Variants in FHAD1 observed in about 807,000 individuals in gnomAD.
FHAD1 encodes forkhead associated phosphopeptide binding domain 1.
In FHAD1, 146 loss-of-function variants were observed where a neutral mutation model predicts 191.3. The observed-to-expected ratio is 0.76, with a 90% CI of 0.67 to 0.88. FHAD1 has a LOEUF of 0.88. Ranked by LOEUF, FHAD1 falls within the 40% of genes least tolerant of loss-of-function variation. The pLI is 0.00. For missense variants in FHAD1, 1,635 were observed against 1,785.8 expected (o/e 0.92, Z 1.52); for synonymous variants, 616 against 672.3 (o/e 0.92, Z 1.29).
intron 1 of FHAD1, among the ~76,000 whole-genome samples, chr1:15,241,284 T>C (rs1309986392): frequency 3.3e-5 from 5 of 152,076 alleles, no homozygotes; most frequent in African/African-American, 1.2e-4. Flanking sequence ...AAAAGACATC[T>C]CCCAAACATA....
rs532431043 is a variant in FHAD1 at position 15,360,741 on chromosome 1, G to A, written c.2962+38G>A. Reference sequence around the variant, plus strand: ...GGAGGCCAAGGAAATCTTAGTGTTCGGGGCAGGTTCTGATTGTCCGCTGGG... The same window carrying A: ...GGAGGCCAAGGAAATCTTAGTGTTCAGGGCAGGTTCTGATTGTCCGCTGGG... On this transcript the variant is annotated intron_variant, in intron 22 of 33. Transcript: ENST00000688493. The A allele has an allele frequency of 1.2e-4, 178 of 1,524,362 alleles. No homozygotes were observed. The Admixed American group carries it at 1.4e-3, about 12-fold the overall frequency. 94.4% of individuals were successfully genotyped at this position (1,524,362 alleles called of 1,614,324 possible).
intron 19 of FHAD1, 93 bp downstream of exon 19, chr1:15,349,242 C>T (rs2102424703): frequency 2.0e-6 from 2 of 983,182 alleles, no homozygotes; most frequent in Non-Finnish European, 3.1e-6. Flanking sequence ...ATATCAGAGC[C>T]ATGCCTCCCT....
intron 2 of FHAD1, among the ~76,000 whole-genome samples, chr1:15,267,954 T>A (rs1409805208): frequency 6.7e-6 from 1 of 148,230 alleles, no homozygotes; most frequent in African/African-American, 2.5e-5. Context: ...ATAAAAAATA[T>A]ATATATATTT....
rs529657113 is a variant in FHAD1, at chr1:15,388,793, C to T, written c.4269+662C>T. 7.9e-5 allele frequency among the ~76,000 whole-genome samples: 12 copies of T among 152,296 alleles called. No individual in the cohort carries two copies. In the East Asian group the frequency reaches 2.1e-3, roughly 27 times the overall value. On this transcript the variant is annotated intron_variant, in intron 32 of 33. Coordinates refer to ENST00000688493, the MANE Select transcript of FHAD1 (RefSeq NM_001391957.1). ...TCGTAAGTGCTCTTAGAACAAAGACCTTGCTGGACTTTCCCCCTAGAGGGG... is the reference window on the plus strand; with the variant it reads ...TCGTAAGTGCTCTTAGAACAAAGACTTTGCTGGACTTTCCCCCTAGAGGGG...
At chr1:15,393,072 C>CTT (rs35952768) in intron 33 of FHAD1, 2,609 of 123,898 alleles carry the variant, frequency 0.021, 119 homozygotes, top group African/African-American at 0.078. Flanking sequence ...AAATTCATTC[C>CTT]TTTTTTTTTT....
Position 15,365,817 on chromosome 1 carries a change from T to C in FHAD1, c.3048-10T>C. On this transcript the variant is annotated splice_polypyrimidine_tract_variant and intron_variant, in intron 23 of 33. Coordinates refer to ENST00000688493, the MANE Select transcript of FHAD1 (RefSeq NM_001391957.1). ...GTTGAACTGACTTCACCTGTTTTTG[T>C]GAATTTCAGAGATGACTTATTGGCT... 1 of 1,538,428 alleles carries C rather than the reference T, an allele frequency of 6.5e-7. No individual in the cohort carries two copies. Among genetic ancestry groups the C allele is most frequent in the Non-Finnish European group, 8.8e-7 (1 of 1,134,940 alleles).
chr1:15,245,319 T>G (rs1645879562), upstream of FHAD1, among the ~76,000 whole-genome samples: 1 of 152,216 alleles, frequency 6.6e-6, no homozygotes, highest in South Asian at 2.1e-4. Flanking sequence ...TTTGTTGTTC[T>G]TATTTTTATT....
intron 6 of FHAD1, 143 bp downstream of exon 6, chr1:15,301,584 T>C (rs1668793708): frequency 1.5e-6 from 1 of 679,206 alleles, no homozygotes; most frequent in African/African-American, 1.8e-5. Flanking sequence ...TCCACAAGAC[T>C]GGGAGATTCG....
chr1:15,246,434 A>G (rs1401514647), upstream of FHAD1, among the ~76,000 whole-genome samples: 1 of 116,398 alleles, frequency 8.6e-6, no homozygotes, highest in African/African-American at 2.8e-5. Context: ...AGTGAAAGGA[A>G]TCACTCTCCA....
At position 15,397,274 on chromosome 1, in the gene FHAD1, G is replaced by GT. The variant is rs767280713; in HGVS notation, c.4324-17dup. The GT allele has an allele frequency of 3.2e-6, 4 of 1,267,462 alleles. No homozygotes were observed. The East Asian group carries it at 1.0e-4, about 33-fold the overall frequency. The allele number at this position is 1,267,462 out of a possible 1,614,324, so 78.5% of individuals were successfully genotyped here. A position where few individuals can be genotyped will look rare whatever the true frequency, so the allele number is the denominator to read the frequency against. Reference sequence around the variant, plus strand: ...AGTCTTGCTGCAATGGAGTTTGTGTGTTTTTTCTCTTGCTTGTTAAAGGTT... The same window carrying GT: ...AGTCTTGCTGCAATGGAGTTTGTGTGTTTTTTTCTCTTGCTTGTTAAAGGTT... On this transcript the variant is annotated intron_variant, in intron 33 of 33. Coordinates refer to ENST00000688493, the MANE Select transcript of FHAD1 (RefSeq NM_001391957.1).
At position 15,272,361 on chromosome 1, in the gene FHAD1, T is replaced by C. The variant is rs1410889587; in HGVS notation, c.132T>C (p.Tyr44=). The C allele has an allele frequency of 2.6e-6, 4 of 1,551,620 alleles. No individual in the cohort carries two copies. The highest frequency in any genetic ancestry group is 3.5e-6 in the Non-Finnish European group (4 of 1,147,014). ...DIDNHHALIE[Y]NEAECSFVLQ... is the part of the protein sequence containing the mutation. ...ACAACCACCATGCACTCATTGAATA[T>C]AACGAGGCGGAGTGCAGCTTTGTTC... The change falls in exon 3 of 34, where the codon TAT becomes TAC. Residue 44 remains tyrosine (Y), a synonymous_variant. Transcript: ENST00000688493.
At chr1:15,266,748 C>T (rs576893999) in intron 2 of FHAD1, among the ~76,000 whole-genome samples, 25 of 152,280 alleles carry the variant, frequency 1.6e-4, no homozygotes, top group Non-Finnish European at 3.2e-4. Context: ...CTGTTCAACA[C>T]AGCCCCCCAC....
chr1:15,330,741 G>T (rs779775724), intron 14 of FHAD1, among the ~76,000 whole-genome samples: 6 of 152,208 alleles, frequency 3.9e-5, no homozygotes, highest in African/African-American at 1.2e-4. Context: ...GGGGCTAACA[G>T]AAATGGGAGC....
At chr1:15,300,102 T>A (rs1668266453) in intron 5 of FHAD1, among the ~76,000 whole-genome samples, 1 of 152,112 alleles carries the variant, frequency 6.6e-6, no homozygotes, top group Non-Finnish European at 1.5e-5. Flanking sequence ...TAGCTGCCTA[T>A]GAATCACATC....
intron 28 of FHAD1, among the ~76,000 whole-genome samples, chr1:15,379,027 G>C (rs1277520208): frequency 1.3e-5 from 2 of 152,130 alleles, no homozygotes; most frequent in African/African-American, 4.8e-5. Context: ...GTGAAGGGGT[G>C]GGTTGCCCTC....
intron 20 of FHAD1, among the ~76,000 whole-genome samples, chr1:15,353,440 C>T (rs1057275455): frequency 1.3e-5 from 2 of 151,992 alleles, no homozygotes; most frequent in Non-Finnish European, 1.5e-5. Context: ...CGCGGTGGCT[C>T]GCACATGTAA....
At chr1:15,391,294 C>CT (rs1557461476) in intron 33 of FHAD1, 31 bp downstream of exon 33, 5 of 1,266,042 alleles carry the variant, frequency 3.9e-6, no homozygotes, top group Admixed American at 4.8e-5. Flanking sequence ...TTAGAATTCT[C>CT]TTTTTTTGTT....
intron 23 of FHAD1, among the ~76,000 whole-genome samples, chr1:15,363,443 A>C (rs1057044187): frequency 3.3e-5 from 5 of 152,186 alleles, no homozygotes; most frequent in Non-Finnish European, 5.9e-5. Flanking sequence ...TCCCAACTCA[A>C]CACTCCAGCT....
chr1:15,280,030 A>G (rs1413295525), intron 3 of FHAD1, among the ~76,000 whole-genome samples: 1 of 152,212 alleles, frequency 6.6e-6, no homozygotes, highest in African/African-American at 2.4e-5. Flanking sequence ...CAGGTCTCCA[A>G]GGAAGTAGCG....
Sources: allele counts gnomAD v4.1 joint callset (sites outside exome capture counted in the v4.1 genomes callset), GRCh38; gene constraint gnomAD v4.1.1; transcripts MANE v1.5; gene names NCBI Gene and HGNC (gene_info 2026-07-23, HGNC 2026-07-21).